Variants in PSD3 observed in about 807,000 individuals in gnomAD.
PSD3 encodes pleckstrin and Sec7 domain containing 3.
In PSD3, 49 loss-of-function variants were observed where a neutral mutation model predicts 105.5. The ratio of observed to expected loss-of-function variants is 0.46; its 90% CI spans 0.37 to 0.59. The LOEUF (loss-of-function observed/expected upper bound fraction) is 0.59. PSD3 is among the 20% of genes least tolerant of loss of function. PSD3 has a pLI of 0.00. For missense variants in PSD3, 1,561 were observed against 1,263.8 expected, an observed-to-expected ratio of 1.24 and a Z score of -3.57; for synonymous variants, 557 against 457.8, an observed-to-expected ratio of 1.22 and a Z score of -2.77.
At chr8:19,003,100 T>C (rs1467205537) in intron 1 of PSD3, among the ~76,000 whole-genome samples, 1 of 152,102 alleles carries the variant, frequency 6.6e-6, no homozygotes, top group Admixed American at 6.5e-5. Context: ...GGCACAGAGA[T>C]GTTAAAATAA....
chr8:18,916,753 T>C (rs977685540), intron 2 of PSD3, among the ~76,000 whole-genome samples: 1 of 151,990 alleles, frequency 6.6e-6, no homozygotes, highest in Non-Finnish European at 1.5e-5. Flanking sequence ...AAAAAATAAG[T>C]ATGTAAGGTA....
At chr8:18,574,985 C>T (rs1405067015) in intron 13 of PSD3, 143 bp downstream of exon 13, 7 of 761,988 alleles carry the variant, frequency 9.2e-6, no homozygotes, top group East Asian at 6.2e-5. Flanking sequence ...TCTTCTTAGG[C>T]AGTTATTTCT....
At chr8:18,796,877 G>A (rs944620790) in intron 8 of PSD3, among the ~76,000 whole-genome samples, 1 of 152,134 alleles carries the variant, frequency 6.6e-6, no homozygotes, top group Non-Finnish European at 1.5e-5. Flanking sequence ...ATTCTAGGTA[G>A]TATAGCATTA....
At chr8:18,880,636 G>A (rs1204108109) in intron 2 of PSD3, among the ~76,000 whole-genome samples, 1 of 152,112 alleles carries the variant, frequency 6.6e-6, no homozygotes, top group Non-Finnish European at 1.5e-5. Context: ...TCTGCCCCAG[G>A]CCCCTCTAGT....
intron 10 of PSD3, among the ~76,000 whole-genome samples, chr8:18,654,319 AAC>A (rs1563146300): frequency 6.6e-6 from 1 of 152,220 alleles, no homozygotes; most frequent in Non-Finnish European, 1.5e-5. Flanking sequence ...ACGTGCAGAT[AAC>A]ATAACAAGTT....
intron 9 of PSD3, among the ~76,000 whole-genome samples, chr8:18,754,309 G>T (rs1312104515): frequency 6.6e-6 from 1 of 152,132 alleles, no homozygotes; most frequent in African/African-American, 2.4e-5. Context: ...ACTTGAACCT[G>T]GGAGGCACAG....
At chr8:18,710,739 T>C (rs1008233916) in intron 9 of PSD3, among the ~76,000 whole-genome samples, 6 of 152,086 alleles carry the variant, frequency 3.9e-5, no homozygotes, top group African/African-American at 1.4e-4. Flanking sequence ...TGGAGTGCAG[T>C]GGCGTGATTT....
At chr8:18,814,809 T>G (rs557388686) in intron 4 of PSD3, among the ~76,000 whole-genome samples, 6 of 152,310 alleles carry the variant, frequency 3.9e-5, no homozygotes, top group African/African-American at 1.4e-4. Context: ...GGAGTCTTCT[T>G]AAGATGCCAT....
At chr8:18,977,852 A>AT (rs1208453224) in intron 1 of PSD3, among the ~76,000 whole-genome samples, 1 of 152,166 alleles carries the variant, frequency 6.6e-6, no homozygotes, top group African/African-American at 2.4e-5. Context: ...CACATTACTT[A>AT]TGCAATAAGA....
chr8:18,552,550 C>G (rs1800830103), intron 15 of PSD3, among the ~76,000 whole-genome samples: 1 of 152,310 alleles, frequency 6.6e-6, no homozygotes, highest in South Asian at 2.1e-4. Flanking sequence ...GCCTTGTAAA[C>G]TTTTACATTG....
chr8:19,049,766 C>G (rs1159842136), intron 1 of PSD3, among the ~76,000 whole-genome samples: 1 of 138,748 alleles, frequency 7.2e-6, no homozygotes, highest in African/African-American at 2.6e-5. Flanking sequence ...AAGGTAAAAA[C>G]ATAGGTTATT....
upstream of PSD3, among the ~76,000 whole-genome samples, chr8:19,016,555 A>G (rs964873009): frequency 2.0e-5 from 3 of 152,258 alleles, no homozygotes; most frequent in Admixed American, 2.0e-4. Context: ...CACAAACATT[A>G]CCAAATCCAG....
At chr8:18,887,010 T>C (rs1818491053) in intron 2 of PSD3, 1 of 152,248 alleles carries the variant, frequency 6.6e-6, no homozygotes, top group Non-Finnish European at 1.5e-5. Context: ...TGACGGGAGT[T>C]AGCTTTAATG....
In PSD3 at chr8:18,683,779, T is replaced by G. The variant is rs753830832; in HGVS notation, c.2173-28094A>C. 7.8e-6 allele frequency: 6 copies of G among 765,194 alleles called. No homozygotes were observed. In the South Asian group the frequency reaches 8.0e-5, roughly 10 times the overall value. 47.4% of individuals were successfully genotyped at this position (765,194 alleles called of 1,614,324 possible). A position where few individuals can be genotyped will look rare whatever the true frequency, so the allele number is the denominator to read the frequency against. ...TCAATGTGGTATTTCTTTACCTTGT[T>G]CTCCTTAGCAGAAAACTCTGAGGAG... On this transcript the variant is annotated intron_variant, in intron 9 of 15. Transcript: ENST00000327040.
At chr8:18,539,448 C>T (rs1180814970) in intron 15 of PSD3, among the ~76,000 whole-genome samples, 1 of 151,994 alleles carries the variant, frequency 6.6e-6, no homozygotes, top group Non-Finnish European at 1.5e-5. Flanking sequence ...ATGTGATTTG[C>T]ATCTTTTTTC....
intron 15 of PSD3, among the ~76,000 whole-genome samples, chr8:18,537,763 A>G (rs1245789669): frequency 6.6e-6 from 1 of 151,826 alleles, no homozygotes; most frequent in Non-Finnish European, 1.5e-5. Context: ...CGCAACCTCC[A>G]CCGCCTGGGT....
chr8:18,886,520 A>G (rs1388972891), intron 2 of PSD3, among the ~76,000 whole-genome samples: 1 of 152,216 alleles, frequency 6.6e-6, no homozygotes, highest in East Asian at 1.9e-4. Context: ...TCAATAATAC[A>G]GACGGATACT....
intron 1 of PSD3, among the ~76,000 whole-genome samples, chr8:19,012,973 A>G (rs537583399): frequency 6.6e-6 from 1 of 152,248 alleles, no homozygotes; most frequent in East Asian, 1.9e-4. Flanking sequence ...CACCAACAAC[A>G]TTCTAAACCC....
chr8:18,957,790 A>C (rs1466508063), intron 1 of PSD3, among the ~76,000 whole-genome samples: 1 of 152,182 alleles, frequency 6.6e-6, no homozygotes, highest in Non-Finnish European at 1.5e-5. Flanking sequence ...TGAGATCACC[A>C]AGTTAATAAT....
Sources: allele counts gnomAD v4.1 joint callset (sites outside exome capture counted in the v4.1 genomes callset), GRCh38; gene constraint gnomAD v4.1.1; transcripts MANE v1.5; gene names NCBI Gene and HGNC (gene_info 2026-07-23, HGNC 2026-07-21).